WWC1: variants seen among roughly 807,000 people sequenced by gnomAD.
The protein encoded by WWC1 is protein KIBRA.
WWC1 carries 55 observed loss-of-function variants against 138.4 expected under a neutral mutation model. The observed-to-expected ratio is 0.40, with a 90% CI of 0.32 to 0.50. The LOEUF (loss-of-function observed/expected upper bound fraction) is 0.50, where lower values mean the gene tolerates loss of function less well. Among genes scored for constraint, WWC1 ranks in the 20% least tolerant of loss-of-function variants. The probability of loss-of-function intolerance (pLI) is 0.72; values close to 1 mark genes in which losing one functional copy is unlikely to be tolerated. For synonymous variants in WWC1, 524 were observed against 564.9 expected (o/e 0.93, Z 1.03); for missense variants, 1,226 against 1,420.4 (o/e 0.86, Z 2.20).
At chr5:168,323,630 G>A (rs1479666118) in intron 1 of WWC1, among the ~76,000 whole-genome samples, 2 of 152,126 alleles carry the variant, frequency 1.3e-5, no homozygotes, top group Non-Finnish European at 2.9e-5. Context: ...TTAGCAATTT[G>A]TGGGACATTA....
chr5:168,408,711 C>CTG (rs1272954030), intron 7 of WWC1, 58 bp downstream of exon 7: 7 of 1,597,476 alleles, frequency 4.4e-6, no homozygotes, highest in Non-Finnish European at 6.0e-6. Flanking sequence ...TGGGAGGCTG[C>CTG]TGTAATGGAC....
At chr5:168,323,546 G>A (rs1015135169) in intron 1 of WWC1, among the ~76,000 whole-genome samples, 1 of 151,988 alleles carries the variant, frequency 6.6e-6, no homozygotes, top group Middle Eastern at 3.4e-3. Context: ...GTGAGACCCT[G>A]TCTAAAATAA....
chr5:168,412,003 A>C lies in WWC1; in HGVS notation c.941+2008A>C, dbSNP rs79752931. 2,069 of 985,434 alleles carry C rather than the reference A, an allele frequency of 2.1e-3. 29 individuals carry two copies. In the African/African-American group the frequency reaches 0.034, roughly 16 times the overall value. 61.0% of individuals were successfully genotyped at this position (985,434 alleles called of 1,614,324 possible). On this transcript the variant is annotated intron_variant, in intron 8 of 22. Coordinates refer to ENST00000265293, the MANE Select transcript of WWC1 (RefSeq NM_015238.3). Reference sequence around the variant, plus strand: ...AAACAGATGTCCTATGTACTATTTCAGCTCCCCCAGGCGTCCAGCAAAACA... The same window carrying C: ...AAACAGATGTCCTATGTACTATTTCCGCTCCCCCAGGCGTCCAGCAAAACA...
intron 21 of WWC1, among the ~76,000 whole-genome samples, chr5:168,465,741 A>G (rs1582401064): frequency 6.6e-6 from 1 of 151,446 alleles, no homozygotes; most frequent in Non-Finnish European, 1.5e-5. Flanking sequence ...TATTTTTTGT[A>G]GAGATGGGGT....
intron 1 of WWC1, among the ~76,000 whole-genome samples, chr5:168,315,094 C>T (rs947778160): frequency 1.3e-5 from 2 of 152,074 alleles, no homozygotes; most frequent in African/African-American, 2.4e-5. Context: ...GACTGAAGAA[C>T]GAGTCATTAG....
In WWC1 at chr5:168,460,730, C is replaced by T. The variant is rs752962663; in HGVS notation, c.2904C>T (p.Val968=). 24 of 1,614,074 alleles carry T rather than the reference C, an allele frequency of 1.5e-5. No individual in the cohort carries two copies. Among genetic ancestry groups the T allele is most frequent in the Non-Finnish European group, 2.0e-5 (24 of 1,180,040 alleles). ...GAAACTCCCTGGAGCGACGCAGCGT[C>T]CGGATGAAGCGGGTAAGAGAGTCAC... is the stretch of plus-strand genomic sequence containing the variant. ...FVRNSLERRS[V]RMKRPSSVKS... The change falls in exon 20 of 23, where the codon GTC becomes GTT. Residue 968 remains valine (V), a synonymous_variant. Transcript: ENST00000265293.
chr5:168,323,416 A>G (rs996561567), intron 1 of WWC1, among the ~76,000 whole-genome samples: 1 of 152,092 alleles, frequency 6.6e-6, no homozygotes, highest in African/African-American at 2.4e-5. Context: ...GGCGTGGGGT[A>G]TGTGCCCATA....
chr5:168,353,497 T>C (rs1775154163), intron 1 of WWC1, among the ~76,000 whole-genome samples: 1 of 152,178 alleles, frequency 6.6e-6, no homozygotes, highest in Non-Finnish European at 1.5e-5. Context: ...ACCCTCCACC[T>C]CTCTCAGGCC....
rs752250424 is a variant in WWC1, at chr5:168,423,792, G to A, written c.1534G>A (p.Ala512Thr). The part of the protein sequence containing the change: ...HEDEVAKTQK[A>T]EGGGRLQALR... ...GGATGAGGTGGCCAAGACCCAGAAGGCAGAGGGAGGTGGCCGCCTGCAGGC... is the reference window on the plus strand; with the variant it reads ...GGATGAGGTGGCCAAGACCCAGAAGACAGAGGGAGGTGGCCGCCTGCAGGC... The change falls in exon 11 of 23, where the codon GCA becomes ACA. Residue 512 changes from alanine (A) to threonine (T), a missense_variant. By Grantham distance (58) the Ala-to-Thr change is moderately conservative (BLOSUM62 0). Coordinates refer to ENST00000265293, the MANE Select transcript of WWC1 (RefSeq NM_015238.3). 2 of 1,614,028 alleles carry A rather than the reference G, an allele frequency of 1.2e-6. No individual in the cohort carries two copies. The highest frequency in any genetic ancestry group is 1.7e-6 in the Non-Finnish European group (2 of 1,180,040).
At chr5:168,420,197 G>T (rs1319068795) in intron 9 of WWC1, among the ~76,000 whole-genome samples, 1 of 152,162 alleles carries the variant, frequency 6.6e-6, no homozygotes, top group Non-Finnish European at 1.5e-5. Context: ...GACTGACTGG[G>T]TGACTTAAAC....
intron 20 of WWC1, among the ~76,000 whole-genome samples, chr5:168,462,492 G>T (rs1349224316): frequency 6.6e-6 from 1 of 152,198 alleles, no homozygotes; most frequent in Non-Finnish European, 1.5e-5. Context: ...GCTGGCGTGG[G>T]CCCTGAAAAC....
In WWC1 at chr5:168,414,610, G is replaced by C; in HGVS notation, c.1184+20G>C. ...GGAGAGGTGGGGCTGGGGCCCCAGGGTGTGTAGGACCCTTCTCTCACTGGC... is the reference window on the plus strand; with the variant it reads ...GGAGAGGTGGGGCTGGGGCCCCAGGCTGTGTAGGACCCTTCTCTCACTGGC... On this transcript the variant is annotated intron_variant, in intron 9 of 22. Coordinates refer to ENST00000265293, the MANE Select transcript of WWC1 (RefSeq NM_015238.3). 1.3e-6 allele frequency: 2 copies of C among 1,544,778 alleles called. No homozygotes were observed. The highest frequency in any genetic ancestry group is 2.7e-5 in the African/African-American group (2 of 73,140).
chr5:168,419,065 C>G (rs1780880335), intron 9 of WWC1, among the ~76,000 whole-genome samples: 1 of 152,168 alleles, frequency 6.6e-6, no homozygotes, highest in Non-Finnish European at 1.5e-5. Flanking sequence ...CAACACTTTT[C>G]CGTTGTGTTT....
At chr5:168,459,297 C>T (rs956784947) in intron 19 of WWC1, among the ~76,000 whole-genome samples, 2 of 151,860 alleles carry the variant, frequency 1.3e-5, no homozygotes, top group South Asian at 2.1e-4. Flanking sequence ...GAGAAAGCCC[C>T]CTTCTGGTAC....
At chr5:168,305,585 C>CCA (rs1770481812) in intron 1 of WWC1, among the ~76,000 whole-genome samples, 1 of 152,104 alleles carries the variant, frequency 6.6e-6, no homozygotes, top group Non-Finnish European at 1.5e-5. Flanking sequence ...TGTTTCTGGC[C>CCA]CTTCCTCTTA....
intron 1 of WWC1, among the ~76,000 whole-genome samples, chr5:168,317,623 A>G (rs2152755043): frequency 6.6e-6 from 1 of 152,292 alleles, no homozygotes; most frequent in East Asian, 1.9e-4. Flanking sequence ...CTCTTAGGAT[A>G]TACAGCTATT....
At chr5:168,303,914 C>T (rs1362895578) in intron 1 of WWC1, among the ~76,000 whole-genome samples, 1 of 152,092 alleles carries the variant, frequency 6.6e-6, no homozygotes, top group Non-Finnish European at 1.5e-5. Context: ...TCACTTCAGC[C>T]CTCTAGGGAG....
intron 2 of WWC1, among the ~76,000 whole-genome samples, chr5:168,384,222 T>C (rs1413595351): frequency 6.6e-6 from 1 of 152,166 alleles, no homozygotes. Flanking sequence ...AGTTTTCTCA[T>C]TGGTATAATG....
chr5:168,305,317 G>A (rs1286512366), intron 1 of WWC1, among the ~76,000 whole-genome samples: 2 of 152,010 alleles, frequency 1.3e-5, no homozygotes, highest in African/African-American at 4.8e-5. Flanking sequence ...TGGCCACTCT[G>A]AACCTCCACA....
Sources: gnomAD v4.1 joint callset for allele counts (sites outside exome capture counted in the v4.1 genomes callset) on GRCh38, gnomAD v4.1.1 for gene constraint, MANE v1.5 for transcripts, NCBI Gene and HGNC (gene_info 2026-07-23, HGNC 2026-07-21) for gene names.